CR1L: variants seen among roughly 807,000 people sequenced by gnomAD.
CR1L encodes the protein complement component receptor 1-like protein.
In CR1L, 59 loss-of-function variants were observed where a neutral mutation model predicts 62.3. That is an observed-to-expected ratio of 0.95 (90% CI 0.77 to 1.18). The LOEUF is 1.18. Ranked by LOEUF, CR1L falls within the 50% of genes most tolerant of loss-of-function variation. The pLI is 0.00. For missense variants in CR1L, 700 were observed against 702.8 expected (o/e 1.00, Z 0.04); for synonymous variants, 279 against 248.7 (o/e 1.12, Z -1.15).
At chr1:207,677,307 CAAAAAAAAAAAAAAAA>C (rs57151160) in intron 1 of CR1L, 66 bp from the exon 2 acceptor site, 74 of 506,354 alleles carry the variant, frequency 1.5e-4, no homozygotes, top group Admixed American at 2.7e-4. Flanking sequence ...GACTCTGTCA[CAAAAAAAAAAAAAAAA>C]AAAAAAAAAA....
At chr1:207,682,135 T>TA (rs779274949) in intron 3 of CR1L, among the ~76,000 whole-genome samples, 2 of 151,942 alleles carry the variant, frequency 1.3e-5, no homozygotes, top group African/African-American at 4.8e-5. Context: ...CCCCAGAACT[T>TA]AAAGTATAAT....
intron 1 of CR1L, among the ~76,000 whole-genome samples, chr1:207,674,040 T>C (rs1663652811): frequency 6.6e-6 from 1 of 152,240 alleles, no homozygotes; most frequent in Non-Finnish European, 1.5e-5. Flanking sequence ...CTAATTATGC[T>C]GTGTGAAGGC....
chr1:207,653,288 T>G (rs1395578102), intron 1 of CR1L: 3 of 153,438 alleles, frequency 2.0e-5, no homozygotes, highest in Non-Finnish European at 4.4e-5. Context: ...TTTTGCTTTC[T>G]ATGTGACAAG....
At chr1:207,680,027 A>T (rs1305792478) in intron 3 of CR1L, among the ~76,000 whole-genome samples, 2 of 152,366 alleles carry the variant, frequency 1.3e-5, no homozygotes, top group Non-Finnish European at 2.9e-5. Flanking sequence ...CCATAACAGT[A>T]GGTACATGTC....
At chr1:207,721,411 A>G (rs574897951) in intron 11 of CR1L, among the ~76,000 whole-genome samples, 11 of 141,904 alleles carry the variant, frequency 7.8e-5, no homozygotes, top group African/African-American at 2.4e-4. Flanking sequence ...CTCATTGTTC[A>G]ATTCCCACCT....
At chr1:207,683,016 T>TTTTTCTTTCTTTCTTTC (rs749948945) in intron 3 of CR1L, among the ~76,000 whole-genome samples, 2 of 143,562 alleles carry the variant, frequency 1.4e-5, no homozygotes, top group African/African-American at 2.5e-5. Context: ...TTCTTTTTCT[T>TTTTTCTTTCTTTCTTTC]TCTTTCTTTC....
intron 1 of CR1L, among the ~76,000 whole-genome samples, chr1:207,645,965 A>C (rs1173313177): frequency 6.6e-6 from 1 of 151,762 alleles, no homozygotes; most frequent in African/African-American, 2.4e-5. Flanking sequence ...GCGAGCGCGG[A>C]CTCTGCGGCT....
At chr1:207,700,971 C>T (rs1331394812) in intron 8 of CR1L, among the ~76,000 whole-genome samples, 1 of 152,116 alleles carries the variant, frequency 6.6e-6, no homozygotes, top group Non-Finnish European at 1.5e-5. Flanking sequence ...TGAATTTTTT[C>T]AATTGTGGGA....
rs138024604 is a variant in CR1L at position 207,693,179 on chromosome 1, G to A, written c.464-1174G>A. ...TGTTGCACAACTGGAGTGCAGTGGC[G>A]CGATCTCGGCTGACTGCAATCTCCA... On this transcript the variant is annotated intron_variant, in intron 4 of 11. Coordinates refer to ENST00000508064, the MANE Select transcript of CR1L (RefSeq NM_175710.2). Among the ~76,000 whole-genome samples, 10 of 152,248 alleles carry A rather than the reference G, an allele frequency of 6.6e-5. 1 individual carries two copies. In the East Asian group the frequency reaches 1.9e-3, roughly 29 times the overall value.
intron 7 of CR1L, among the ~76,000 whole-genome samples, chr1:207,698,622 A>G (rs1047416419): frequency 3.3e-5 from 5 of 152,202 alleles, no homozygotes; most frequent in African/African-American, 1.2e-4. Context: ...CCCAACAGAC[A>G]TTGAGAATTT....
chr1:207,702,135 G>A (rs1277504152), intron 9 of CR1L, among the ~76,000 whole-genome samples: 3 of 152,076 alleles, frequency 2.0e-5, no homozygotes, highest in African/African-American at 4.8e-5. Flanking sequence ...TGTTGACTTC[G>A]TGTCTCTGTG....
At chr1:207,723,573 T>C in intron 11 of CR1L, 45 bp from the exon 12 acceptor site, 1 of 1,469,526 alleles carries the variant, frequency 6.8e-7, no homozygotes, top group South Asian at 1.2e-5. Context: ...TTCAATCATG[T>C]TGCATGCCAG....
Position 207,645,151 on chromosome 1 carries a change from A to G in CR1L, c.-83A>G. On this transcript the variant is annotated 5_prime_UTR_variant, in exon 1 of 12. Transcript: ENST00000508064. ...GGGGATTGTTGTGTCCACTAACCGG[A>G]CTCAGAAGGGACTTCCCTGCTCGGC... is the stretch of plus-strand genomic sequence containing the variant. 5 of 1,357,616 alleles carry G rather than the reference A, an allele frequency of 3.7e-6. No individual in the cohort carries two copies. Among genetic ancestry groups the G allele is most frequent in the Non-Finnish European group, 5.2e-6 (5 of 959,546 alleles). The allele number at this position is 1,357,616 out of a possible 1,614,324, so 84.1% of individuals were successfully genotyped here. A position where few individuals can be genotyped will look rare whatever the true frequency, so the allele number is the denominator to read the frequency against.
intron 1 of CR1L, among the ~76,000 whole-genome samples, chr1:207,670,192 C>T (rs995914351): frequency 2.0e-5 from 3 of 150,844 alleles, no homozygotes; most frequent in African/African-American, 7.5e-5. Context: ...GAACTGTCCT[C>T]GTCCCCTACC....
At chr1:207,710,662 T>C (rs1334261053) in intron 10 of CR1L, 2 of 1,610,074 alleles carry the variant, frequency 1.2e-6, no homozygotes, top group Non-Finnish European at 1.7e-6. Context: ...GAAGCTTATT[T>C]TCCTTAAATG....
chr1:207,656,643 G>T (rs1367028811), intron 1 of CR1L, among the ~76,000 whole-genome samples: 2 of 152,158 alleles, frequency 1.3e-5, no homozygotes, highest in African/African-American at 4.8e-5. Context: ...AAAGGCAAAG[G>T]GGGAGCAAGG....
intron 1 of CR1L, chr1:207,652,664 C>G: frequency 9.8e-7 from 1 of 1,016,892 alleles, no homozygotes; most frequent in Admixed American, 1.7e-5. Context: ...TTCTACGTAC[C>G]TCCTCTTGCC....
chr1:207,646,474 G>A (rs1330517647), intron 1 of CR1L, among the ~76,000 whole-genome samples: 2 of 152,082 alleles, frequency 1.3e-5, no homozygotes, highest in African/African-American at 4.8e-5. Flanking sequence ...ACTTTGGGAG[G>A]CCCAAGTTGG....
chr1:207,722,997 T>C (rs1654172316), intron 11 of CR1L, among the ~76,000 whole-genome samples: 1 of 152,244 alleles, frequency 6.6e-6, no homozygotes, highest in Non-Finnish European at 1.5e-5. Context: ...CTTATATTTC[T>C]AGTATATAAA....
Sources: allele counts gnomAD v4.1 joint callset (sites outside exome capture counted in the v4.1 genomes callset), GRCh38; gene constraint gnomAD v4.1.1; transcripts MANE v1.5; gene names NCBI Gene and HGNC (gene_info 2026-07-23, HGNC 2026-07-21).